VAMP4: variants seen among roughly 807,000 people sequenced by gnomAD.
The protein encoded by VAMP4 is vesicle-associated membrane protein 4.
VAMP4 carries 19 observed loss-of-function variants against 23.5 expected under a neutral mutation model. That is an observed-to-expected ratio of 0.81 (90% CI 0.56 to 1.19). The LOEUF is 1.19. Among genes scored for constraint, VAMP4 ranks in the 50% most tolerant of loss-of-function variants. VAMP4 has a pLI of 0.00. For missense variants in VAMP4, 145 were observed against 168.6 expected, an observed-to-expected ratio of 0.86 and a Z score of 0.78; for synonymous variants, 31 against 51.0, an observed-to-expected ratio of 0.61 and a Z score of 1.67.
chr1:171,731,176 A>AG (rs11370833), intron 2 of VAMP4, among the ~76,000 whole-genome samples: 53,258 of 152,008 alleles, frequency 0.35, 9,763 homozygotes, highest in African/African-American at 0.47. Context: ...AACAAAACAA[A>AG]TCTGAGCTCT....
chr1:171,727,932 G>A (rs1655426178), intron 3 of VAMP4, among the ~76,000 whole-genome samples: 1 of 152,142 alleles, frequency 6.6e-6, no homozygotes, highest in African/African-American at 2.4e-5. Flanking sequence ...GGAGAGCAAT[G>A]GATTATCAAG....
At chr1:171,717,922 C>G (rs879790284) in intron 4 of VAMP4, among the ~76,000 whole-genome samples, 5 of 152,112 alleles carry the variant, frequency 3.3e-5, no homozygotes, top group Non-Finnish European at 7.4e-5. Flanking sequence ...CTCAAAGAAG[C>G]ACCATGACAT....
intron 2 of VAMP4, among the ~76,000 whole-genome samples, chr1:171,734,084 A>G (rs545587724): frequency 3.7e-4 from 57 of 152,226 alleles, no homozygotes; most frequent in African/African-American, 1.3e-3. Flanking sequence ...CCTGGCCAAC[A>G]TGGTGGAACC....
At chr1:171,704,614 G>T in intron 7 of VAMP4, 80 bp from the exon 8 acceptor site, 1 of 1,098,594 alleles carries the variant, frequency 9.1e-7, no homozygotes. Context: ...CCTAAATGTA[G>T]TTGTGTCTAC....
At chr1:171,712,416 C>T (rs1654877418) in intron 4 of VAMP4, among the ~76,000 whole-genome samples, 1 of 151,984 alleles carries the variant, frequency 6.6e-6, no homozygotes. Context: ...AAATGAAGGC[C>T]CACTTAGACA....
rs181481840 is a variant in VAMP4, at chr1:171,741,166, G to A, written c.-50+744C>T. Among the ~76,000 whole-genome samples, 209 of 152,280 alleles carry A rather than the reference G, an allele frequency of 1.4e-3. 1 individual carries two copies. The highest frequency in any genetic ancestry group is 4.9e-3 in the African/African-American group (203 of 41,564). On this transcript the variant is annotated intron_variant, in intron 1 of 7. Transcript: ENST00000236192. ...ATTCACTCAAATGAGTCACATCACC[G>A]TATGCTTCTTATACATCAGCATATA...
Position 171,719,256 on chromosome 1 carries a change from G to A in VAMP4, c.114-35C>T, listed in dbSNP as rs75760783. 2.0e-3 allele frequency: 3,095 copies of A among 1,563,696 alleles called. 71 individuals carry two copies. The African/African-American group carries it at 0.037, about 19-fold the overall frequency. ...AGTACATACCAAGTACATATTAGTA[G>A]TGACAGGATTAAAACAAAACAAAAA... On this transcript the variant is annotated intron_variant, in intron 3 of 7. Transcript: ENST00000236192.
At chr1:171,723,931 CT>C (rs1045121935) in intron 3 of VAMP4, among the ~76,000 whole-genome samples, 1 of 152,178 alleles carries the variant, frequency 6.6e-6, no homozygotes, top group Non-Finnish European at 1.5e-5. Context: ...AATTTATGCT[CT>C]TCTGCCATGG....
chr1:171,729,379 G>C (rs1050013073), intron 2 of VAMP4, among the ~76,000 whole-genome samples: 4 of 152,138 alleles, frequency 2.6e-5, no homozygotes, highest in African/African-American at 9.7e-5. Context: ...GCTTCATAAA[G>C]ACCTTGAGTT....
At chr1:171,706,740 T>C (rs771564837) in intron 6 of VAMP4, among the ~76,000 whole-genome samples, 1 of 152,204 alleles carries the variant, frequency 6.6e-6, no homozygotes, top group Non-Finnish European at 1.5e-5. Context: ...TTGAATTGCA[T>C]GGCCTATGTT....
intron 1 of VAMP4, among the ~76,000 whole-genome samples, chr1:171,740,134 T>C (rs1655880304): frequency 6.6e-6 from 1 of 152,200 alleles, no homozygotes; most frequent in African/African-American, 2.4e-5. Flanking sequence ...TTAGTAACGA[T>C]AACGTTAGTC....
rs111388388 is a variant in VAMP4, at chr1:171,736,013, G to A, written c.66+2336C>T. ...GCAATTCTCCTGCCTCAGCCTCCCA[G>A]GTAGCTGGGATTACAGGTGTGCACC... On this transcript the variant is annotated intron_variant, in intron 2 of 7. Coordinates refer to ENST00000236192, the MANE Select transcript of VAMP4 (RefSeq NM_003762.5). Among the ~76,000 whole-genome samples the A allele has an allele frequency of 3.0e-3, 460 of 152,034 alleles. 3 individuals carry two copies. The highest frequency in any genetic ancestry group is 0.011 in the African/African-American group (443 of 41,474).
chr1:171,730,869 T>A (rs1655538959), intron 2 of VAMP4, among the ~76,000 whole-genome samples: 1 of 152,134 alleles, frequency 6.6e-6, no homozygotes, highest in South Asian at 2.1e-4. Context: ...ACTATATCTA[T>A]GTATAATATA....
chr1:171,727,972 T>C (rs1364481719), intron 3 of VAMP4, among the ~76,000 whole-genome samples: 2 of 152,168 alleles, frequency 1.3e-5, no homozygotes, highest in Non-Finnish European at 2.9e-5. Flanking sequence ...GGGCGACAGA[T>C]GGTTCATTAT....
At chr1:171,705,084 T>C (rs1002028982) in intron 7 of VAMP4, among the ~76,000 whole-genome samples, 1 of 152,126 alleles carries the variant, frequency 6.6e-6, no homozygotes, top group African/African-American at 2.4e-5. Flanking sequence ...TTAGTGAATA[T>C]GGAACCACTG....
intron 1 of VAMP4, among the ~76,000 whole-genome samples, chr1:171,741,519 C>T (rs1035485353): frequency 1.3e-5 from 2 of 150,440 alleles, no homozygotes; most frequent in African/African-American, 4.9e-5. Context: ...CACACCCAAT[C>T]TGTCACACCA....
intron 6 of VAMP4, among the ~76,000 whole-genome samples, chr1:171,706,798 T>G (rs892339310): frequency 6.6e-6 from 1 of 152,188 alleles, no homozygotes; most frequent in Non-Finnish European, 1.5e-5. Context: ...ATACTGTACA[T>G]TTTCTCTGGT....
Position 171,741,681 on chromosome 1 carries a change from A to G in VAMP4, c.-50+229T>C, listed in dbSNP as rs555378701. On this transcript the variant is annotated intron_variant, in intron 1 of 7. Transcript: ENST00000236192. ...CACCCCAGAGTACCCCTCAATTCCAATTCTTCTCTCCCTCAACTGCTCCTC... is the reference window on the plus strand; with the variant it reads ...CACCCCAGAGTACCCCTCAATTCCAGTTCTTCTCTCCCTCAACTGCTCCTC... Among the ~76,000 whole-genome samples, 4 of 151,546 alleles carry G rather than the reference A, an allele frequency of 2.6e-5. No homozygotes were observed. The East Asian group carries it at 7.8e-4, about 30-fold the overall frequency.
At chr1:171,740,069 C>T (rs1021904481) in intron 1 of VAMP4, among the ~76,000 whole-genome samples, 2 of 152,208 alleles carry the variant, frequency 1.3e-5, no homozygotes, top group South Asian at 2.1e-4. Flanking sequence ...TTTTCTTTTA[C>T]TCTTTATGAT....
Sources: gnomAD v4.1 joint callset for allele counts (sites outside exome capture counted in the v4.1 genomes callset) on GRCh38, gnomAD v4.1.1 for gene constraint, MANE v1.5 for transcripts, NCBI Gene and HGNC (gene_info 2026-07-23, HGNC 2026-07-21) for gene names.